Variants in NRG3 observed in about 807,000 individuals in gnomAD.
The protein encoded by NRG3 is neuregulin 3.
Under a neutral mutation model 66.9 loss-of-function variants are expected in NRG3, and 31 were observed. The observed-to-expected ratio is 0.46, with a 90% CI of 0.35 to 0.63. The LOEUF (loss-of-function observed/expected upper bound fraction) is 0.63, where lower values mean the gene tolerates loss of function less well. Ranked by LOEUF, NRG3 falls within the 20% of genes least tolerant of loss-of-function variation. The pLI, the probability that NRG3 is intolerant of heterozygous loss-of-function variation, is 0.00. For synonymous variants in NRG3, 393 were observed against 359.4 expected (o/e 1.09, Z -1.06); for missense variants, 910 against 878.9 (o/e 1.04, Z -0.45).
Position 82,510,073 on chromosome 10 carries a change from C to T in NRG3, c.953+151205C>T, listed in dbSNP as rs893253430. Reference sequence around the variant, plus strand: ...GTGGATTCTAACTCATCCTTCAAGTCTCAGCTCAAATATACCATTTTCAGT... The same window carrying T: ...GTGGATTCTAACTCATCCTTCAAGTTTCAGCTCAAATATACCATTTTCAGT... On this transcript the variant is annotated intron_variant, in intron 2 of 8. Transcript: ENST00000372141. Among the ~76,000 whole-genome samples the T allele has an allele frequency of 1.6e-4, 25 of 152,112 alleles. No individual in the cohort carries two copies. In the South Asian group the frequency reaches 2.1e-3, roughly 13 times the overall value.
At chr10:82,456,652 ATTTCTACTCTGAT>A (rs1414991942) in intron 2 of NRG3, among the ~76,000 whole-genome samples, 1 of 152,046 alleles carries the variant, frequency 6.6e-6, no homozygotes, top group African/African-American at 2.4e-5. Context: ...TAATTTTGGG[ATTTCTACTCTGAT>A]TTTTTCTAAC....
chr10:82,246,508 T>G (rs1013293875), intron 1 of NRG3, among the ~76,000 whole-genome samples: 1 of 152,180 alleles, frequency 6.6e-6, no homozygotes, highest in Non-Finnish European at 1.5e-5. Flanking sequence ...AGATAAATAA[T>G]GAGGGCACCT....
chr10:82,102,092 T>A (rs201714049), intron 1 of NRG3, among the ~76,000 whole-genome samples: 5 of 107,788 alleles, frequency 4.6e-5, no homozygotes, highest in East Asian at 8.5e-4. Context: ...ATATGTGTAT[T>A]CATATATATA....
intron 2 of NRG3, among the ~76,000 whole-genome samples, chr10:82,521,754 T>C (rs1846212315): frequency 1.3e-5 from 2 of 152,168 alleles, no homozygotes; most frequent in Non-Finnish European, 1.5e-5. Flanking sequence ...TTACCCACAA[T>C]AGAACTTCTT....
chr10:82,299,977 G>T (rs547990197), intron 1 of NRG3, among the ~76,000 whole-genome samples: 16 of 152,166 alleles, frequency 1.1e-4, no homozygotes, highest in African/African-American at 3.9e-4. Flanking sequence ...AACCAGATTG[G>T]ATATTTAATC....
intron 2 of NRG3, among the ~76,000 whole-genome samples, chr10:82,560,472 T>C (rs1349589011): frequency 6.6e-6 from 1 of 151,112 alleles, no homozygotes; most frequent in Non-Finnish European, 1.5e-5. Context: ...TTTTCCATTT[T>C]TACTTATATT....
rs553894671 is a variant in NRG3 at position 82,652,793 on chromosome 10, T to C, written c.954-85784T>C. On this transcript the variant is annotated intron_variant, in intron 2 of 8. Coordinates refer to ENST00000372141, the MANE Select transcript of NRG3 (RefSeq NM_001010848.4). Reference sequence around the variant, plus strand: ...CTTCCTCCTGTCCCCATCAATGTCATGAGAGATTTTGAGCCACAGCCACTC... The same window carrying C: ...CTTCCTCCTGTCCCCATCAATGTCACGAGAGATTTTGAGCCACAGCCACTC... Among the ~76,000 whole-genome samples, 42 of 152,304 alleles carry C rather than the reference T, an allele frequency of 2.8e-4. 1 individual carries two copies. In the South Asian group the frequency reaches 7.7e-3, roughly 28 times the overall value.
intron 3 of NRG3, among the ~76,000 whole-genome samples, chr10:82,793,589 A>G (rs571259097): frequency 1.1e-3 from 161 of 152,298 alleles, no homozygotes; most frequent in Non-Finnish European, 1.5e-3. Flanking sequence ...GAATAAGGTT[A>G]TGTTGCAATA....
At chr10:82,512,548 A>G (rs989315465) in intron 2 of NRG3, among the ~76,000 whole-genome samples, 1 of 152,152 alleles carries the variant, frequency 6.6e-6, no homozygotes, top group Non-Finnish European at 1.5e-5. Flanking sequence ...AATTACAGGT[A>G]TGGGCCACCG....
chr10:82,395,828 A>G (rs2136001824), intron 2 of NRG3, among the ~76,000 whole-genome samples: 1 of 152,340 alleles, frequency 6.6e-6, no homozygotes, highest in South Asian at 2.1e-4. Context: ...TTAATAATAA[A>G]TAGGAGAAAT....
At chr10:82,311,893 T>C (rs1310217519) in intron 1 of NRG3, among the ~76,000 whole-genome samples, 1 of 152,182 alleles carries the variant, frequency 6.6e-6, no homozygotes, top group East Asian at 1.9e-4. Context: ...ATGAACTCAG[T>C]CTTATAGATG....
At chr10:82,967,629 A>G (rs1463889655) in intron 6 of NRG3, among the ~76,000 whole-genome samples, 1 of 152,218 alleles carries the variant, frequency 6.6e-6, no homozygotes. Context: ...GTGAGACGGA[A>G]AGGCTACAGG....
At chr10:82,378,602 G>A (rs767196474) in intron 2 of NRG3, among the ~76,000 whole-genome samples, 10 of 149,658 alleles carry the variant, frequency 6.7e-5, no homozygotes, top group South Asian at 4.2e-4. Flanking sequence ...ACAGAGTTTT[G>A]CTCTGTTGCC....
In NRG3 at chr10:82,020,120, A is replaced by G. The variant is rs142512746; in HGVS notation, c.823+143957A>G. 3.5e-3 allele frequency among the ~76,000 whole-genome samples: 538 copies of G among 152,286 alleles called. 4 individuals carry two copies. The highest frequency in any genetic ancestry group is 0.012 in the African/African-American group (513 of 41,580). On this transcript the variant is annotated intron_variant, in intron 1 of 8. Transcript: ENST00000372141. ...GCTTTCAAAGTAAAAAATTTGAATT[A>G]TAGCACAAATGTGTCATTTTAGAAA...
chr10:82,123,497 C>T (rs910730358), intron 1 of NRG3, among the ~76,000 whole-genome samples: 1 of 152,132 alleles, frequency 6.6e-6, no homozygotes, highest in Non-Finnish European at 1.5e-5. Context: ...GTTTGGCAAA[C>T]TAGACATAAC....
intron 1 of NRG3, among the ~76,000 whole-genome samples, chr10:81,878,776 C>T (rs574415502): frequency 6.6e-6 from 1 of 151,982 alleles, no homozygotes; most frequent in Admixed American, 6.6e-5. Flanking sequence ...TTTTGACTAA[C>T]CCACAAATTC....
At chr10:82,270,507 G>A (rs2078537239) in intron 1 of NRG3, among the ~76,000 whole-genome samples, 1 of 152,056 alleles carries the variant, frequency 6.6e-6, no homozygotes, top group South Asian at 2.1e-4. Flanking sequence ...TTTTGTAAAT[G>A]TACCTCTTTG....
chr10:82,622,863 G>A (rs1301204786), intron 2 of NRG3, among the ~76,000 whole-genome samples: 2 of 152,200 alleles, frequency 1.3e-5, no homozygotes, highest in Non-Finnish European at 2.9e-5. Flanking sequence ...CTATAGGCAA[G>A]TGGAAGTGTT....
intron 1 of NRG3, among the ~76,000 whole-genome samples, chr10:82,127,868 G>A (rs1241291360): frequency 6.6e-6 from 1 of 151,900 alleles, no homozygotes. Context: ...GTGCTTGGAG[G>A]CTCGGCTCCA....
Sources: gnomAD v4.1 joint callset for allele counts (sites outside exome capture counted in the v4.1 genomes callset) on GRCh38, gnomAD v4.1.1 for gene constraint, MANE v1.5 for transcripts, NCBI Gene and HGNC (gene_info 2026-07-23, HGNC 2026-07-21) for gene names.